The following NF2 variants were observed in gnomAD, a reference collection of about 807,000 sequenced individuals.
NF2 encodes merlin.
A neutral mutation model predicts 83.7 loss-of-function variants in NF2; 8 were observed. The ratio of observed to expected loss-of-function variants is 0.10; its 90% confidence interval spans 0.06 to 0.17. The LOEUF (loss-of-function observed/expected upper bound fraction) is 0.17. NF2 is among the 10% of genes least tolerant of loss of function. The pLI, the probability that NF2 is intolerant of heterozygous loss-of-function variation, is 1.00. For synonymous variants in NF2, 266 were observed against 269.6 expected, an observed-to-expected ratio of 0.99 and a Z score of 0.13; for missense variants, 533 against 744.4, an observed-to-expected ratio of 0.72 and a Z score of 3.31.
At chr22:29,671,336 C>T (rs899577868) in intron 10 of NF2, among the ~76,000 whole-genome samples, 2 of 152,178 alleles carry the variant, frequency 1.3e-5, no homozygotes, top group African/African-American at 4.8e-5. Context: ...CAAGACCAGC[C>T]TGGCCAATAT....
chr22:29,645,588 C>T (rs1232751562), intron 4 of NF2, among the ~76,000 whole-genome samples: 2 of 152,162 alleles, frequency 1.3e-5, no homozygotes, highest in Admixed American at 1.3e-4. Flanking sequence ...TTGATTAAAT[C>T]CGAGCACTTC....
chr22:29,604,850 G>C (rs1003539680), intron 1 of NF2, among the ~76,000 whole-genome samples: 3 of 152,180 alleles, frequency 2.0e-5, no homozygotes, highest in Admixed American at 2.0e-4. Context: ...TTGTAGACTA[G>C]AGAATCTCTG....
Position 29,694,679 on chromosome 22 carries a change from G to A in NF2, c.1738-73G>A. The A allele has an allele frequency of 6.6e-7, 1 of 1,517,216 alleles. No individual in the cohort carries two copies. The highest frequency in any genetic ancestry group is 1.4e-5 in the African/African-American group (1 of 72,674). The allele number at this position is 1,517,216 out of a possible 1,614,324, so 94.0% of individuals were successfully genotyped here. The stretch of plus-strand genomic sequence containing the variant: ...CCAGCCACCTTTGAGGTGAGTCCAA[G>A]TGGCAGGACAGGACCCTGTGTGACA... On this transcript the variant is annotated intron_variant, in intron 15 of 15. Transcript: ENST00000338641. This position sits in a 1 kb window ranked among gnomAD's most constrained non-coding sequence, Gnocchi z 4.1.
rs567963057 is a variant in NF2, at chr22:29,665,602, G to T, written c.885+538G>T. Among the ~76,000 whole-genome samples the T allele has an allele frequency of 2.0e-5, 3 of 152,178 alleles. No individual in the cohort carries two copies. In the South Asian group the frequency reaches 6.2e-4, roughly 32 times the overall value. On this transcript the variant is annotated intron_variant, in intron 9 of 15. Coordinates refer to ENST00000338641, the MANE Select transcript of NF2 (RefSeq NM_000268.4). ...GTATTTCATACATATAAAAGGATAAGTGTAACATATGAATTATAAAGAATA... is the reference window on the plus strand; with the variant it reads ...GTATTTCATACATATAAAAGGATAATTGTAACATATGAATTATAAAGAATA...
chr22:29,625,351 G>A (rs1435851722), intron 1 of NF2, among the ~76,000 whole-genome samples: 1 of 152,154 alleles, frequency 6.6e-6, no homozygotes, highest in Non-Finnish European at 1.5e-5. Context: ...TGTCCCTAGT[G>A]TGTCATATTG....
At chr22:29,638,999 T>C (rs1188652747) in intron 2 of NF2, 91 bp from the exon 3 acceptor site, 13 of 1,585,238 alleles carry the variant, frequency 8.2e-6, no homozygotes, top group Non-Finnish European at 9.5e-6. Flanking sequence ...GGGAAAAAAA[T>C]TTAATGCACG....
In NF2 at chr22:29,627,221, A is replaced by G. The variant is rs114089531; in HGVS notation, c.115-9530A>G. ...AAAGTCATGTCAAGCTCATAGACTCAGAGAGTGGTGTTAATCCTGAAGACC... is the reference window on the plus strand; with the variant it reads ...AAAGTCATGTCAAGCTCATAGACTCGGAGAGTGGTGTTAATCCTGAAGACC... On this transcript the variant is annotated intron_variant, in intron 1 of 15. Coordinates refer to ENST00000338641, the MANE Select transcript of NF2 (RefSeq NM_000268.4). Among the ~76,000 whole-genome samples the G allele has an allele frequency of 8.5e-3, 1,299 of 152,350 alleles. 16 individuals are homozygous for G. Among genetic ancestry groups the G allele is most frequent in the African/African-American group, 0.03 (1,250 of 41,580 alleles).
intron 15 of NF2, chr22:29,683,523 G>C: frequency 8.9e-7 from 1 of 1,120,554 alleles, no homozygotes; most frequent in Non-Finnish European, 1.1e-6. Context: ...ACACCTGGCA[G>C]CTTCTGGTAG....
At chr22:29,624,796 GTCCTCTTTCTTTCTTTCTTTCT>G (rs1450092107) in intron 1 of NF2, among the ~76,000 whole-genome samples, 1 of 147,732 alleles carries the variant, frequency 6.8e-6, no homozygotes, top group African/African-American at 2.5e-5. Context: ...TTGTTGAAGG[GTCCTCTTTCTTTCTTTCTTTCT>G]TTCTTTCTTT....
intron 1 of NF2, among the ~76,000 whole-genome samples, chr22:29,616,044 A>C (rs903225374): frequency 1.3e-5 from 2 of 152,174 alleles, no homozygotes; most frequent in East Asian, 1.9e-4. Context: ...CCTTGAAAAC[A>C]CTATGCTATG....
rs1250514042 is a variant in NF2 at position 29,695,099 on chromosome 22, G to GGT, written c.*308_*309dup. The GGT allele has an allele frequency of 2.3e-5, 12 of 527,002 alleles. No individual in the cohort carries two copies. Among genetic ancestry groups the GGT allele is most frequent in the Non-Finnish European group, 4.1e-5 (12 of 290,710 alleles). 32.6% of individuals were successfully genotyped at this position (527,002 alleles called of 1,614,324 possible). ...CCTGACTCCCTTCGTCCAAGGCACC[G>GGT]GTGTGTGTGTGTCTTGCACTCCAGA... On this transcript the variant is annotated 3_prime_UTR_variant, in exon 16 of 16. Transcript: ENST00000338641. This position sits in a 1 kb window ranked among gnomAD's most constrained non-coding sequence, Gnocchi z 5.4.
intron 15 of NF2, among the ~76,000 whole-genome samples, chr22:29,692,965 C>G (rs114405294): frequency 0.013 from 1,961 of 152,284 alleles, 38 homozygotes; most frequent in African/African-American, 0.044. Context: ...CACAGCTGGT[C>G]AGTGGCCCAG....
At chr22:29,666,180 G>A (rs1365692009) in intron 9 of NF2, among the ~76,000 whole-genome samples, 2 of 151,218 alleles carry the variant, frequency 1.3e-5, no homozygotes, top group Non-Finnish European at 2.9e-5. Flanking sequence ...TTTGAAATGG[G>A]GTCTCACTCT....
chr22:29,604,553 ATACT>A (rs1416190041), intron 1 of NF2, among the ~76,000 whole-genome samples: 3 of 152,218 alleles, frequency 2.0e-5, no homozygotes, highest in African/African-American at 7.2e-5. Flanking sequence ...ATAACATCTC[ATACT>A]TACTTTCCAC....
chr22:29,617,797 C>T (rs1601543538), intron 1 of NF2, among the ~76,000 whole-genome samples: 1 of 152,178 alleles, frequency 6.6e-6, no homozygotes, highest in Non-Finnish European at 1.5e-5. Flanking sequence ...ACCTGTGCCA[C>T]CGGCCCAAGG....
At chr22:29,647,693 A>G (rs1295968558) in intron 4 of NF2, among the ~76,000 whole-genome samples, 3 of 151,998 alleles carry the variant, frequency 2.0e-5, no homozygotes, top group African/African-American at 2.4e-5. Flanking sequence ...ACAGAATGGT[A>G]TTTTTCTTCC....
At chr22:29,622,676 G>A (rs1157484199) in intron 1 of NF2, among the ~76,000 whole-genome samples, 2 of 79,098 alleles carry the variant, frequency 2.5e-5, no homozygotes, top group Non-Finnish European at 4.6e-5. Flanking sequence ...TTTTTTTTGA[G>A]ACAGAGACTC....
chr22:29,604,586 A>G (rs2064736556), intron 1 of NF2, among the ~76,000 whole-genome samples: 2 of 152,250 alleles, frequency 1.3e-5, no homozygotes, highest in African/African-American at 4.8e-5. Flanking sequence ...CAACATGATG[A>G]TAACAGCTAT....
chr22:29,606,175 AACTC>A (rs912536463), intron 1 of NF2, among the ~76,000 whole-genome samples: 1 of 152,118 alleles, frequency 6.6e-6, no homozygotes, highest in Non-Finnish European at 1.5e-5. Flanking sequence ...GCTGGTCTTG[AACTC>A]CCTACCTCAG....
Sources: gnomAD v4.1 joint callset for allele counts (sites outside exome capture counted in the v4.1 genomes callset) on GRCh38, gnomAD v4.1.1 for gene constraint, Gnocchi (gnomAD v3.1) non-coding constraint, MANE v1.5 for transcripts, NCBI Gene and HGNC (gene_info 2026-07-23, HGNC 2026-07-21) for gene names.